TXNRD1: variants seen among roughly 807,000 people sequenced by gnomAD.
The protein encoded by TXNRD1 is thioredoxin reductase 1.
Under a neutral mutation model 80.3 loss-of-function variants are expected in TXNRD1, and 57 were observed. That is an observed-to-expected ratio of 0.71 (90% CI 0.57 to 0.89). The LOEUF is 0.89. TXNRD1 is among the 40% of genes least tolerant of loss of function. TXNRD1 has a pLI of 0.00. For synonymous variants in TXNRD1, 291 were observed against 285.2 expected, an observed-to-expected ratio of 1.02 and a Z score of -0.20; for missense variants, 730 against 803.0, an observed-to-expected ratio of 0.91 and a Z score of 1.10.
intron 1 of TXNRD1, among the ~76,000 whole-genome samples, chr12:104,226,284 G>A (rs111821131): frequency 1.2e-3 from 190 of 152,272 alleles, no homozygotes; most frequent in African/African-American, 4.2e-3. Context: ...ACAGTTATAC[G>A]GATGCTGAAG....
At chr12:104,269,245 GAGT>G (rs763015306) in intron 3 of TXNRD1, among the ~76,000 whole-genome samples, 2 of 151,934 alleles carry the variant, frequency 1.3e-5, no homozygotes, top group South Asian at 4.1e-4. Flanking sequence ...TCTTCATCAG[GAGT>G]AGATTCTATT....
At chr12:104,242,963 T>A (rs1347731348) in intron 1 of TXNRD1, among the ~76,000 whole-genome samples, 1 of 152,026 alleles carries the variant, frequency 6.6e-6, no homozygotes, top group East Asian at 1.9e-4. Context: ...AACTGTGGAG[T>A]GAGGCAAGTG....
intron 3 of TXNRD1, among the ~76,000 whole-genome samples, chr12:104,263,327 A>G (rs536285897): frequency 3.9e-5 from 6 of 152,254 alleles, no homozygotes; most frequent in African/African-American, 1.2e-4. Context: ...GGCCCCTCCC[A>G]CTACTTCCTG....
chr12:104,280,004 A>C (rs1186309879), intron 3 of TXNRD1, among the ~76,000 whole-genome samples: 1 of 145,850 alleles, frequency 6.9e-6, no homozygotes, highest in African/African-American at 2.6e-5. Flanking sequence ...CAGAGGTTGC[A>C]ATGAGCTGAG....
chr12:104,267,784 CTCCT>C (rs1265005648), intron 3 of TXNRD1, among the ~76,000 whole-genome samples: 3 of 139,164 alleles, frequency 2.2e-5, no homozygotes, highest in Non-Finnish European at 4.6e-5. Flanking sequence ...CTTCCCTTCC[CTCCT>C]TCCTTCCTTC....
At chr12:104,264,031 G>T in intron 3 of TXNRD1, among the ~76,000 whole-genome samples, 1 of 152,076 alleles carries the variant, frequency 6.6e-6, no homozygotes, top group Non-Finnish European at 1.5e-5. Context: ...TGTTTTCCTT[G>T]AACAAATAAA....
chr12:104,315,671 TATA>T (rs2035299819), intron 6 of TXNRD1, 103 bp from the exon 7 acceptor site: 5 of 1,315,946 alleles, frequency 3.8e-6, no homozygotes, highest in Non-Finnish European at 5.1e-6. Context: ...ATTAAGCAAA[TATA>T]ATACAATATT....
In TXNRD1 at chr12:104,258,016, C is replaced by A; in HGVS notation, c.244-3C>A. 6.5e-7 allele frequency: 1 copy of A among 1,542,522 alleles called. No homozygotes were observed. The highest frequency in any genetic ancestry group is 8.8e-7 in the Non-Finnish European group (1 of 1,142,660). ...TTCCTCCTTGTTTTTCAACTTCTTC[C>A]AGGTAAAGAAGTTATTTAAATCTCT... On this transcript the variant is annotated splice_polypyrimidine_tract_variant and splice_region_variant and intron_variant, in intron 2 of 16. Coordinates refer to ENST00000525566, the MANE Select transcript of TXNRD1 (RefSeq NM_001093771.3).
intron 4 of TXNRD1, among the ~76,000 whole-genome samples, chr12:104,308,082 G>A (rs534005528): frequency 1.7e-4 from 26 of 151,136 alleles, no homozygotes; most frequent in Non-Finnish European, 2.7e-4. Context: ...TGTGAGCTCC[G>A]CCTCCCGGGT....
At chr12:104,281,167 T>C (rs1466281001) in intron 3 of TXNRD1, among the ~76,000 whole-genome samples, 3 of 152,308 alleles carry the variant, frequency 2.0e-5, no homozygotes, top group South Asian at 4.1e-4. Flanking sequence ...CTGCTTTTCA[T>C]TGAAGAGTGC....
chr12:104,333,017 A>G (rs1182693001), intron 14 of TXNRD1, among the ~76,000 whole-genome samples: 1 of 151,828 alleles, frequency 6.6e-6, no homozygotes, highest in East Asian at 1.9e-4. Flanking sequence ...TCCAAGCTTA[A>G]TATTAATGTT....
intron 10 of TXNRD1, among the ~76,000 whole-genome samples, chr12:104,322,483 C>T (rs11111993): frequency 0.34 from 50,120 of 145,968 alleles, 8,584 homozygotes; most frequent in African/African-American, 0.41. Flanking sequence ...CAAGTTCAAG[C>T]GATTCTGGTG....
intron 7 of TXNRD1, 32 bp from the exon 8 acceptor site, chr12:104,318,881 C>T (rs1405496525): frequency 6.3e-7 from 1 of 1,588,296 alleles, no homozygotes; most frequent in Non-Finnish European, 8.6e-7. Flanking sequence ...GTTGAAAAGC[C>T]AAACAAGATT....
chr12:104,322,374 CTTTTTTTT>C (rs58288808), intron 10 of TXNRD1, among the ~76,000 whole-genome samples: 19 of 61,550 alleles, frequency 3.1e-4, no homozygotes, highest in Admixed American at 1.7e-3. Context: ...TTATTTTTAC[CTTTTTTTT>C]TTTTTTTTTT....
intron 4 of TXNRD1, 100 bp downstream of exon 4, chr12:104,289,140 A>T: frequency 7.1e-7 from 1 of 1,407,324 alleles, no homozygotes; most frequent in Non-Finnish European, 9.6e-7. Context: ...GTGACCCTCC[A>T]AACGGGACGC....
At chr12:104,292,646 C>T (rs530051790) in intron 4 of TXNRD1, among the ~76,000 whole-genome samples, 6 of 152,206 alleles carry the variant, frequency 3.9e-5, no homozygotes, top group African/African-American at 1.2e-4. Context: ...CCACCCACCT[C>T]GGCCTCCCAA....
At position 104,243,528 on chromosome 12, in the gene TXNRD1, C is replaced by G. The variant is rs562562361; in HGVS notation, c.92-7999C>G. Among the ~76,000 whole-genome samples, 242 of 152,200 alleles carry G rather than the reference C, an allele frequency of 1.6e-3. 1 individual carries two copies. The highest frequency in any genetic ancestry group is 5.4e-3 in the African/African-American group (224 of 41,532). On this transcript the variant is annotated intron_variant, in intron 1 of 16. Coordinates refer to ENST00000525566, the MANE Select transcript of TXNRD1 (RefSeq NM_001093771.3). ...GGTTGAATATAATATTGTAATAATT[C>G]TTACTTTGTTAAAAGGAATCTTCTG...
chr12:104,234,831 A>C (rs1444421369), intron 1 of TXNRD1, among the ~76,000 whole-genome samples: 2 of 152,058 alleles, frequency 1.3e-5, no homozygotes, highest in Non-Finnish European at 2.9e-5. Flanking sequence ...AAAATAGGGA[A>C]GGCAAAGAAA....
At chr12:104,256,790 A>AAG (rs538647078) in intron 2 of TXNRD1, among the ~76,000 whole-genome samples, 11,894 of 142,440 alleles carry the variant, frequency 0.084, 726 homozygotes, top group African/African-American at 0.17. Context: ...AAAAAAAAAA[A>AAG]AGAAAAAGAA....
Sources: gnomAD v4.1 joint callset for allele counts (sites outside exome capture counted in the v4.1 genomes callset) on GRCh38, gnomAD v4.1.1 for gene constraint, MANE v1.5 for transcripts, NCBI Gene and HGNC (gene_info 2026-07-23, HGNC 2026-07-21) for gene names.